The following SLC26A9 variants were observed in gnomAD, a reference collection of about 807,000 sequenced individuals.
The protein encoded by SLC26A9 is anion transporter/exchanger protein 9.
Under a neutral mutation model 87.1 loss-of-function variants are expected in SLC26A9, and 46 were observed. The ratio of observed to expected loss-of-function variants is 0.53; its 90% CI spans 0.42 to 0.67. The LOEUF (loss-of-function observed/expected upper bound fraction) is 0.67, where lower values mean the gene tolerates loss of function less well. Among genes scored for constraint, SLC26A9 ranks in the 30% least tolerant of loss-of-function variants. The pLI is 0.00. For missense variants in SLC26A9, 927 were observed against 1,018.3 expected (o/e 0.91, Z 1.22); for synonymous variants, 437 against 409.1 (o/e 1.07, Z -0.82).
rs556962409 is a variant in SLC26A9, at chr1:205,923,201, G to A, written c.1660-6C>T. 25 of 1,614,024 alleles carry A rather than the reference G, an allele frequency of 1.5e-5. No individual in the cohort carries two copies. In the South Asian group the frequency reaches 2.5e-4, roughly 16 times the overall value. On this transcript the variant is annotated splice_polypyrimidine_tract_variant and splice_region_variant and intron_variant, in intron 15 of 20. Transcript: ENST00000367135. ...TTCTGGGGGTCCATGCCTGTCTGCAGGGAGAGAGCCAACAGCAATCTTGAC... is the reference window on the plus strand; with the variant it reads ...TTCTGGGGGTCCATGCCTGTCTGCAAGGAGAGAGCCAACAGCAATCTTGAC...
chr1:205,929,458 G>A, intron 6 of SLC26A9, 102 bp from the exon 7 acceptor site: 2 of 1,511,284 alleles, frequency 1.3e-6, no homozygotes, highest in African/African-American at 2.8e-5. Flanking sequence ...CAAAGCTAAT[G>A]GAGGCACACC....
At position 205,927,229 on chromosome 1, in the gene SLC26A9, A is replaced by G. The variant is rs759561658; in HGVS notation, c.1275T>C (p.Tyr425=). The G allele has an allele frequency of 6.8e-6, 11 of 1,614,056 alleles. No individual in the cohort carries two copies. The highest frequency in any genetic ancestry group is 9.3e-6 in the Non-Finnish European group (11 of 1,180,036). Residue 425 remains tyrosine (Y), a synonymous_variant, in exon 11 of 21, where the codon TAT becomes TAC. Coordinates refer to ENST00000367135, the MANE Select transcript of SLC26A9 (RefSeq NM_052934.4). ...VMITMLVLGI[Y]LYPLPKSVLG... is the part of the protein sequence containing the mutation. ...CTCTTACCTTAGGGAGAGGATACAG[A>G]TAGATCCCCAGGACCAGCATGGTGA...
intron 19 of SLC26A9, among the ~76,000 whole-genome samples, 196 bp downstream of exon 19, chr1:205,918,642 TAA>T (rs1234479046): frequency 2.6e-5 from 4 of 152,234 alleles, no homozygotes; most frequent in African/African-American, 9.6e-5. Flanking sequence ...TAAAACAAAA[TAA>T]AAGAAAAATG....
chr1:205,915,816 G>A (rs758065387), intron 20 of SLC26A9, among the ~76,000 whole-genome samples: 9 of 152,054 alleles, frequency 5.9e-5, no homozygotes, highest in Non-Finnish European at 1.2e-4. Flanking sequence ...ATTCCAAGAG[G>A]GCACCGAAAT....
At position 205,935,663 on chromosome 1, in the gene SLC26A9, A is replaced by G. The variant is rs371662698; in HGVS notation, c.125+33T>C. 96 of 1,613,390 alleles carry G rather than the reference A, an allele frequency of 6.0e-5. No individual in the cohort carries two copies. The African/African-American group carries it at 1.3e-3, about 21-fold the overall frequency. ...CAGAAAGGATTTTGGTAGGGAGCAGAGGAGGCAGAAGTCTGGGCTCTGGAC... is the reference window on the plus strand; with the variant it reads ...CAGAAAGGATTTTGGTAGGGAGCAGGGGAGGCAGAAGTCTGGGCTCTGGAC... On this transcript the variant is annotated intron_variant, in intron 2 of 20. Coordinates refer to ENST00000367135, the MANE Select transcript of SLC26A9 (RefSeq NM_052934.4).
rs1332452202 is a variant in SLC26A9, at chr1:205,914,765, G to A, written c.*592C>T. 18 of 1,184,570 alleles carry A rather than the reference G, an allele frequency of 1.5e-5. No individual in the cohort carries two copies. Among genetic ancestry groups the A allele is most frequent in the Middle Eastern group, 5.0e-4 (2 of 4,024 alleles). 73.4% of individuals were successfully genotyped at this position (1,184,570 alleles called of 1,614,324 possible). On this transcript the variant is annotated 3_prime_UTR_variant, in exon 21 of 21. Coordinates refer to ENST00000367135, the MANE Select transcript of SLC26A9 (RefSeq NM_052934.4). ...GGGCAGCCTTGGGGATGATGGAGGGGGGGCGCATAGTTACCAAGGCCTAGA... is the reference window on the plus strand; with the variant it reads ...GGGCAGCCTTGGGGATGATGGAGGGAGGGCGCATAGTTACCAAGGCCTAGA...
chr1:205,927,862 A>C, intron 9 of SLC26A9, 40 bp downstream of exon 9: 1 of 1,600,994 alleles, frequency 6.2e-7, no homozygotes, highest in Non-Finnish European at 8.5e-7. Flanking sequence ...GCCTGAGTTG[A>C]CCTGTCCTGC....
At chr1:205,915,459 G>C in intron 20 of SLC26A9, 55 bp from the exon 21 acceptor site, 1 of 1,612,228 alleles carries the variant, frequency 6.2e-7, no homozygotes, top group African/African-American at 1.3e-5. Context: ...AGACCAGTTG[G>C]GGTCACAGTG....
chr1:205,936,153 G>A (rs958296254), intron 1 of SLC26A9, among the ~76,000 whole-genome samples: 2 of 152,166 alleles, frequency 1.3e-5, no homozygotes, highest in African/African-American at 2.4e-5. Flanking sequence ...AATCACGAGG[G>A]CAGGAGGCCC....
At chr1:205,932,177 A>G in intron 4 of SLC26A9, 142 bp from the exon 5 acceptor site, 1 of 940,232 alleles carries the variant, frequency 1.1e-6, no homozygotes, top group South Asian at 1.7e-5. Flanking sequence ...AATAATAACA[A>G]CCACTCACTC....
In SLC26A9 at chr1:205,914,432, T is replaced by C. The variant is rs999729281; in HGVS notation, c.*925A>G. 1 of 162,776 alleles carries C rather than the reference T, an allele frequency of 6.1e-6. No individual in the cohort carries two copies. Among genetic ancestry groups the C allele is most frequent in the Non-Finnish European group, 1.4e-5 (1 of 73,484 alleles). 10.1% of individuals were successfully genotyped at this position (162,776 alleles called of 1,614,324 possible). A position where few individuals can be genotyped will look rare whatever the true frequency, so the allele number is the denominator to read the frequency against. Reference sequence around the variant, plus strand: ...GCCCAGGTCCCATCCGTTTTCCCTGTGTTGGTACTAGCACCCTCTTCCCCT... The same window carrying C: ...GCCCAGGTCCCATCCGTTTTCCCTGCGTTGGTACTAGCACCCTCTTCCCCT... On this transcript the variant is annotated 3_prime_UTR_variant, in exon 21 of 21. Coordinates refer to ENST00000367135, the MANE Select transcript of SLC26A9 (RefSeq NM_052934.4).
At chr1:205,919,777 T>C (rs1347477569) in intron 18 of SLC26A9, among the ~76,000 whole-genome samples, 4 of 152,206 alleles carry the variant, frequency 2.6e-5, no homozygotes, top group Admixed American at 1.3e-4. Context: ...GCTCTATGCC[T>C]ATATCGATTC....
chr1:205,916,998 C>A (rs1178053563), intron 20 of SLC26A9, among the ~76,000 whole-genome samples: 1 of 150,994 alleles, frequency 6.6e-6, no homozygotes, highest in Non-Finnish European at 1.5e-5. Flanking sequence ...GAGGCTGAGG[C>A]AGGAGAACCT....
chr1:205,920,577 T>C (rs1658786907), intron 17 of SLC26A9, among the ~76,000 whole-genome samples: 1 of 152,194 alleles, frequency 6.6e-6, no homozygotes, highest in African/African-American at 2.4e-5. Context: ...CTTGGCTCGC[T>C]GCAACCTCCG....
At position 205,915,028 on chromosome 1, in the gene SLC26A9, A is replaced by G; in HGVS notation, c.*329T>C. ...GCTCACTCGTAAAAGCTGGAAGTCA[A>G]GGTGTCCTTCAGCTGCCAAGGACAG... On this transcript the variant is annotated 3_prime_UTR_variant, in exon 21 of 21. Coordinates refer to ENST00000367135, the MANE Select transcript of SLC26A9 (RefSeq NM_052934.4). 6.2e-7 allele frequency: 1 copy of G among 1,614,212 alleles called. No individual in the cohort carries two copies. The highest frequency in any genetic ancestry group is 8.5e-7 in the Non-Finnish European group (1 of 1,180,034).
intron 18 of SLC26A9, among the ~76,000 whole-genome samples, 156 bp from the exon 19 acceptor site, chr1:205,919,141 G>A (rs1227077630): frequency 2.6e-5 from 4 of 152,236 alleles, no homozygotes; most frequent in Non-Finnish European, 5.9e-5. Context: ...TGCAATATCA[G>A]TTTTGGACGG....
chr1:205,927,488 T>C lies in SLC26A9; in HGVS notation c.1215+4A>G. 1.9e-6 allele frequency: 3 copies of C among 1,613,384 alleles called. No individual in the cohort carries two copies. The highest frequency in any genetic ancestry group is 1.1e-5 in the South Asian group (1 of 90,954). ...CCCCCCAACTCCCCTAGAACAAGGCTCACCTGGGATTTTCCTCCAGCTCCA... is the reference window on the plus strand; with the variant it reads ...CCCCCCAACTCCCCTAGAACAAGGCCCACCTGGGATTTTCCTCCAGCTCCA... On this transcript the variant is annotated splice_donor_region_variant and intron_variant, in intron 10 of 20. Coordinates refer to ENST00000367135, the MANE Select transcript of SLC26A9 (RefSeq NM_052934.4).
rs892460555 is a variant in SLC26A9 at position 205,929,807 on chromosome 1, G to A, written c.717+85C>T. 2.5e-5 allele frequency: 37 copies of A among 1,455,758 alleles called. No individual in the cohort carries two copies. In the African/African-American group the frequency reaches 5.2e-4, roughly 21 times the overall value. The allele number at this position is 1,455,758 out of a possible 1,614,324, so 90.2% of individuals were successfully genotyped here. On this transcript the variant is annotated intron_variant, in intron 6 of 20. Transcript: ENST00000367135. ...GCTAAGCCAGCCCTTGCAATGAGGA[G>A]CTCACGACATCTTAAAACAGTACAT...
chr1:205,935,882 C>T, intron 1 of SLC26A9, 44 bp from the exon 2 acceptor site: 1 of 1,567,560 alleles, frequency 6.4e-7, no homozygotes, highest in Non-Finnish European at 8.7e-7. Flanking sequence ...AACATCCCTC[C>T]CTAGTGCCAG....
Sources: gnomAD v4.1 joint callset for allele counts (sites outside exome capture counted in the v4.1 genomes callset) on GRCh38, gnomAD v4.1.1 for gene constraint, MANE v1.5 for transcripts, NCBI Gene and HGNC (gene_info 2026-07-23, HGNC 2026-07-21) for gene names.